SOS2: variants seen among roughly 807,000 people sequenced by gnomAD.
SOS2 encodes son of sevenless homolog 2.
Under a neutral mutation model 148.2 loss-of-function variants are expected in SOS2, and 65 were observed. That is an observed-to-expected ratio of 0.44 (90% CI 0.36 to 0.54). The LOEUF (loss-of-function observed/expected upper bound fraction) is 0.54, where lower values mean the gene tolerates loss of function less well. Among genes scored for constraint, SOS2 ranks in the 20% least tolerant of loss-of-function variants. SOS2 has a pLI of 0.00. For synonymous variants in SOS2, 539 were observed against 537.1 expected (o/e 1.00, Z -0.05); for missense variants, 1,341 against 1,590.2 (o/e 0.84, Z 2.67).
chr14:50,147,493 C>G (rs1167478695), intron 14 of SOS2, among the ~76,000 whole-genome samples: 1 of 108,358 alleles, frequency 9.2e-6, no homozygotes, highest in Non-Finnish European at 1.8e-5. Flanking sequence ...GCCTGGGCAA[C>G]AGAGTGAGAC....
At chr14:50,192,309 A>C (rs1266198307) in intron 4 of SOS2, among the ~76,000 whole-genome samples, 1 of 152,130 alleles carries the variant, frequency 6.6e-6, no homozygotes, top group African/African-American at 2.4e-5. Context: ...TAATCCCAGA[A>C]CTTTAGAGGC....
At chr14:50,221,282 A>G (rs1232142981) in intron 1 of SOS2, among the ~76,000 whole-genome samples, 1 of 152,208 alleles carries the variant, frequency 6.6e-6, no homozygotes, top group African/African-American at 2.4e-5. Flanking sequence ...GATCGCTATT[A>G]AATTTGTTTC....
At chr14:50,214,928 C>T (rs777267925) in intron 1 of SOS2, among the ~76,000 whole-genome samples, 2 of 151,528 alleles carry the variant, frequency 1.3e-5, no homozygotes, top group African/African-American at 2.4e-5. Flanking sequence ...CTTCGCCACC[C>T]GGGTTCACGC....
At chr14:50,220,031 T>G (rs931173232) in intron 1 of SOS2, among the ~76,000 whole-genome samples, 2 of 151,712 alleles carry the variant, frequency 1.3e-5, no homozygotes, top group African/African-American at 2.4e-5. Context: ...CATTTCTTGT[T>G]TTCGGTCTCC....
intron 1 of SOS2, among the ~76,000 whole-genome samples, chr14:50,230,663 G>C (rs980467970): frequency 2.0e-5 from 3 of 152,140 alleles, no homozygotes; most frequent in African/African-American, 7.2e-5. Context: ...GTGGGAAGGC[G>C]CTTTAAATTT....
chr14:50,161,497 G>C lies in SOS2; in HGVS notation c.1181C>G (p.Pro394Arg), dbSNP rs144332746. 1 of 1,612,968 alleles carries C rather than the reference G, an allele frequency of 6.2e-7. No homozygotes were observed. Among genetic ancestry groups the C allele is most frequent in the African/African-American group, 1.3e-5 (1 of 74,834 alleles). Residue 394 changes from proline to arginine, a missense_variant, in exon 9 of 23, where the codon CCT becomes CGT. Transcript: ENST00000216373. ...TTGGAATTACCCAGGTCGACGTCTA[G>C]GTGAATACTGCTTGTAAATTCGGTC... Reference protein sequence around the residue: ...SMDRIYKQYSPRRRPGDPVCP... With the variant: ...SMDRIYKQYSRRRRPGDPVCP...
intron 5 of SOS2, among the ~76,000 whole-genome samples, chr14:50,187,938 C>T (rs1885971534): frequency 1.3e-5 from 2 of 152,148 alleles, no homozygotes; most frequent in South Asian, 4.1e-4. Flanking sequence ...AAATGAATGA[C>T]TCTAAATATC....
intron 16 of SOS2, among the ~76,000 whole-genome samples, chr14:50,144,904 A>G (rs1007742055): frequency 1.1e-4 from 17 of 152,192 alleles, no homozygotes; most frequent in African/African-American, 3.9e-4. Context: ...CATTTAGGTT[A>G]AGTACATTAC....
intron 1 of SOS2, among the ~76,000 whole-genome samples, chr14:50,229,071 G>C (rs1416739045): frequency 1.3e-5 from 2 of 152,142 alleles, no homozygotes; most frequent in South Asian, 4.1e-4. Flanking sequence ...CAAAGACAAG[G>C]TGGCTGATGC....
At chr14:50,180,532 TTAAAAAAAAAA>T (rs1401174518) in intron 7 of SOS2, 29 bp downstream of exon 7, 10 of 466,662 alleles carry the variant, frequency 2.1e-5, no homozygotes, top group African/African-American at 8.4e-5. Flanking sequence ...ATTTGCTTTA[TTAAAAAAAAAA>T]AAAAAAAAAA....
intron 21 of SOS2, among the ~76,000 whole-genome samples, chr14:50,123,318 G>T (rs984560945): frequency 1.3e-5 from 2 of 151,634 alleles, no homozygotes; most frequent in African/African-American, 4.8e-5. Context: ...ACTGTGTAGG[G>T]CCTGTGCGTT....
At chr14:50,211,089 C>G (rs1428214121) in intron 1 of SOS2, among the ~76,000 whole-genome samples, 1 of 151,780 alleles carries the variant, frequency 6.6e-6, no homozygotes, top group Non-Finnish European at 1.5e-5. Flanking sequence ...GCTATACAGT[C>G]CAATATAATA....
At chr14:50,177,360 A>G (rs1697787399) in intron 7 of SOS2, among the ~76,000 whole-genome samples, 1 of 152,210 alleles carries the variant, frequency 6.6e-6, no homozygotes, top group African/African-American at 2.4e-5. Flanking sequence ...CAGCTTCTAA[A>G]GATGCTTTTT....
intron 5 of SOS2, among the ~76,000 whole-genome samples, chr14:50,183,941 T>A (rs1230682585): frequency 6.6e-6 from 1 of 152,208 alleles, no homozygotes; most frequent in Non-Finnish European, 1.5e-5. Context: ...GATGATATAC[T>A]ACAACATTTA....
chr14:50,217,068 A>G (rs1168303415), intron 1 of SOS2, among the ~76,000 whole-genome samples: 1 of 152,228 alleles, frequency 6.6e-6, no homozygotes, highest in African/African-American at 2.4e-5. Context: ...CTATAAAGCT[A>G]TGGTAACCAA....
chr14:50,228,413 T>C (rs1887445289), intron 1 of SOS2, among the ~76,000 whole-genome samples: 1 of 152,162 alleles, frequency 6.6e-6, no homozygotes, highest in South Asian at 2.1e-4. Flanking sequence ...TTGTAGGGTA[T>C]TAACTAATTC....
intron 19 of SOS2, among the ~76,000 whole-genome samples, chr14:50,132,535 C>A (rs142928424): frequency 0.021 from 3,115 of 151,890 alleles, 72 homozygotes; most frequent in Non-Finnish European, 0.026. Context: ...GTGGCACACA[C>A]CTGTTATCCC....
At chr14:50,201,412 T>C (rs1262270289) in intron 2 of SOS2, among the ~76,000 whole-genome samples, 1 of 151,224 alleles carries the variant, frequency 6.6e-6, no homozygotes, top group Non-Finnish European at 1.5e-5. Flanking sequence ...TGCATGCCTA[T>C]AGTCCCAGCT....
chr14:50,170,597 CAGG>C (rs909841134), intron 8 of SOS2, among the ~76,000 whole-genome samples: 12 of 151,916 alleles, frequency 7.9e-5, no homozygotes, highest in African/African-American at 2.9e-4. Flanking sequence ...CGCCTGAGCC[CAGG>C]AGGTCAAGGC....
Sources: gnomAD v4.1 joint callset for allele counts (sites outside exome capture counted in the v4.1 genomes callset) on GRCh38, gnomAD v4.1.1 for gene constraint, MANE v1.5 for transcripts, NCBI Gene and HGNC (gene_info 2026-07-23, HGNC 2026-07-21) for gene names.